The following FIG4 variants were observed in gnomAD, a reference collection of about 807,000 sequenced individuals.
FIG4 encodes the protein polyphosphoinositide phosphatase.
In FIG4, 112 loss-of-function variants were observed where a neutral mutation model predicts 118.6. That is an observed-to-expected ratio of 0.94 (90% CI 0.81 to 1.11). The LOEUF (loss-of-function observed/expected upper bound fraction) is 1.11, where lower values mean the gene tolerates loss of function less well. Among genes scored for constraint, FIG4 ranks in the 50% least tolerant of loss-of-function variants. FIG4 has a pLI of 0.00. For missense variants in FIG4, 969 were observed against 1,111.7 expected (o/e 0.87, Z 1.83); for synonymous variants, 369 against 381.2 (o/e 0.97, Z 0.37).
rs1009232065 is a variant in FIG4, at chr6:109,741,120, A to G, written c.776-324A>G. Among the ~76,000 whole-genome samples, 7 of 152,148 alleles carry G rather than the reference A, an allele frequency of 4.6e-5. No individual in the cohort carries two copies. In the South Asian group the frequency reaches 8.3e-4, roughly 18 times the overall value. The stretch of plus-strand genomic sequence containing the variant: ...TTGGCTGGGGACACAGAGCGAAACC[A>G]TATCAGAAGGATTAGTTGTACTTGT... On this transcript the variant is annotated intron_variant, in intron 7 of 22. Transcript: ENST00000230124.
At chr6:109,710,002 T>C (rs1775208213) in intron 1 of FIG4, among the ~76,000 whole-genome samples, 1 of 152,204 alleles carries the variant, frequency 6.6e-6, no homozygotes, top group Non-Finnish European at 1.5e-5. Context: ...CTATATTGAA[T>C]AGGAGTGTTG....
At chr6:109,703,402 CT>C in intron 1 of FIG4, among the ~76,000 whole-genome samples, 1 of 152,210 alleles carries the variant, frequency 6.6e-6, no homozygotes, top group East Asian at 1.9e-4. Context: ...ATTCCCAAGC[CT>C]TTTGGAGGTT....
At chr6:109,743,548 G>A in intron 9 of FIG4, 127 bp from the exon 10 acceptor site, 1 of 753,570 alleles carries the variant, frequency 1.3e-6, no homozygotes, top group Non-Finnish European at 2.3e-6. Flanking sequence ...ATCTTAAGAA[G>A]GATTTGGGAA....
chr6:109,748,842 G>C (rs1776591267), intron 10 of FIG4, among the ~76,000 whole-genome samples: 1 of 152,058 alleles, frequency 6.6e-6, no homozygotes, highest in South Asian at 2.1e-4. Context: ...ATTACCACAA[G>C]AACGGTATGG....
At chr6:109,723,836 G>A (rs1001167) in intron 3 of FIG4, among the ~76,000 whole-genome samples, 1 of 152,182 alleles carries the variant, frequency 6.6e-6, no homozygotes, top group Admixed American at 6.5e-5. Context: ...AGAAGTGGAG[G>A]AGCTTGGTCT....
At chr6:109,811,692 AG>A in intron 22 of FIG4, among the ~76,000 whole-genome samples, 1 of 152,302 alleles carries the variant, frequency 6.6e-6, no homozygotes, top group East Asian at 1.9e-4. Context: ...GTTTCATATT[AG>A]GGTAAATACC....
chr6:109,755,413 G>A (rs60195688), intron 10 of FIG4, among the ~76,000 whole-genome samples: 3,170 of 152,274 alleles, frequency 0.021, 99 homozygotes, highest in African/African-American at 0.073. Context: ...TGTATATTCT[G>A]TTGATTTGGG....
At chr6:109,742,804 T>G (rs1776364841) in intron 8 of FIG4, among the ~76,000 whole-genome samples, 1 of 152,088 alleles carries the variant, frequency 6.6e-6, no homozygotes, top group Non-Finnish European at 1.5e-5. Flanking sequence ...CATGTAATTG[T>G]CATTTCTTTC....
At chr6:109,709,037 G>T (rs182245250) in intron 1 of FIG4, among the ~76,000 whole-genome samples, 104 of 152,254 alleles carry the variant, frequency 6.8e-4, no homozygotes, top group African/African-American at 2.3e-3. Context: ...ATCTTTGCCT[G>T]TGCCTATGTC....
chr6:109,786,061 T>C, intron 17 of FIG4: 2 of 523,798 alleles, frequency 3.8e-6, no homozygotes, highest in African/African-American at 1.9e-5. Context: ...CCCATTGGAC[T>C]TCCTGAGGCC....
chr6:109,780,999 T>C (rs1777786206), intron 16 of FIG4, among the ~76,000 whole-genome samples: 1 of 152,254 alleles, frequency 6.6e-6, no homozygotes, highest in African/African-American at 2.4e-5. Context: ...ATTAATTATT[T>C]CATTGACTCC....
At chr6:109,728,461 A>G (rs1191152225) in intron 4 of FIG4, among the ~76,000 whole-genome samples, 1 of 152,194 alleles carries the variant, frequency 6.6e-6, no homozygotes, top group Non-Finnish European at 1.5e-5. Flanking sequence ...TTAAAATGGA[A>G]CAAAGAAATA....
chr6:109,699,306 T>C (rs897364865), intron 1 of FIG4, among the ~76,000 whole-genome samples: 12 of 152,206 alleles, frequency 7.9e-5, no homozygotes, highest in African/African-American at 2.9e-4. Context: ...ATAGGATTTG[T>C]AGTAAAATTT....
intron 10 of FIG4, among the ~76,000 whole-genome samples, chr6:109,753,261 G>A (rs543104743): frequency 9.2e-5 from 14 of 152,138 alleles, no homozygotes; most frequent in East Asian, 3.9e-4. Flanking sequence ...TAGACGATGC[G>A]GTGTTATTTC....
intron 16 of FIG4, among the ~76,000 whole-genome samples, chr6:109,784,077 T>C (rs1334520037): frequency 6.6e-6 from 1 of 152,200 alleles, no homozygotes; most frequent in African/African-American, 2.4e-5. Context: ...TTTATATTTT[T>C]AGAAAGCCTT....
chr6:109,738,451 C>G lies in FIG4; in HGVS notation c.773C>G (p.Ser258Ter). The G allele has an allele frequency of 2.5e-6, 4 of 1,612,192 alleles. No individual in the cohort carries two copies. In the South Asian group the frequency reaches 4.4e-5, roughly 18 times the overall value. ...ATTATTCATGGGTTCTGTGGGCAGTCAAGTATCCTTTCTGAAGAAAAAGTA... is the reference window on the plus strand; with the variant it reads ...ATTATTCATGGGTTCTGTGGGCAGTGAAGTATCCTTTCTGAAGAAAAAGTA... ...LYIIHGFCGQ[S>*]KLLIYGRPVY... The change falls in exon 7 of 23, where the codon TCA becomes TGA. Residue 258 changes from serine to a stop codon, truncating the protein, a stop_gained and splice_region_variant. Coordinates refer to ENST00000230124, the MANE Select transcript of FIG4 (RefSeq NM_014845.6). LOFTEE classifies it high-confidence loss of function.
chr6:109,728,492 G>A (rs553039665), intron 4 of FIG4, among the ~76,000 whole-genome samples: 13 of 152,204 alleles, frequency 8.5e-5, no homozygotes, highest in African/African-American at 3.1e-4. Flanking sequence ...TTTAGGATAG[G>A]TAACAGTTTA....
intron 22 of FIG4, among the ~76,000 whole-genome samples, chr6:109,811,938 A>T (rs1778730969): frequency 6.6e-6 from 1 of 152,164 alleles, no homozygotes; most frequent in South Asian, 2.1e-4. Flanking sequence ...AAGCAAGCTG[A>T]TATGGTTAGG....
At chr6:109,752,234 A>C (rs965935130) in intron 10 of FIG4, among the ~76,000 whole-genome samples, 1 of 151,730 alleles carries the variant, frequency 6.6e-6, no homozygotes, top group Admixed American at 6.6e-5. Flanking sequence ...AATCCAGTCT[A>C]TCACTGTTGG....
Sources: gnomAD v4.1 joint callset for allele counts (sites outside exome capture counted in the v4.1 genomes callset) on GRCh38, gnomAD v4.1.1 for gene constraint, MANE v1.5 for transcripts, NCBI Gene and HGNC (gene_info 2026-07-23, HGNC 2026-07-21) for gene names.